PDZD9: variants seen among roughly 807,000 people sequenced by gnomAD.
The protein encoded by PDZD9 is PDZ domain-containing protein 9.
Under a neutral mutation model 16.3 loss-of-function variants are expected in PDZD9, and 13 were observed. The observed-to-expected ratio is 0.80, with a 90% confidence interval of 0.52 to 1.27. PDZD9 has a LOEUF of 1.27. Ranked by LOEUF, PDZD9 falls within the 50% of genes most tolerant of loss-of-function variation. The probability of loss-of-function intolerance (pLI) is 0.00; values close to 1 mark genes in which losing one functional copy is unlikely to be tolerated. For synonymous variants in PDZD9, 120 were observed against 111.0 expected (o/e 1.08, Z -0.51); for missense variants, 288 against 310.9 (o/e 0.93, Z 0.55).
downstream of PDZD9, among the ~76,000 whole-genome samples, chr16:21,982,576 A>C (rs973766326): frequency 3.9e-5 from 6 of 152,194 alleles, no homozygotes; most frequent in African/African-American, 1.4e-4. Flanking sequence ...TCAGAGAAAC[A>C]GCTAAGCTTT....
intron 2 of PDZD9, among the ~76,000 whole-genome samples, chr16:21,995,766 T>G (rs964297027): frequency 6.6e-6 from 1 of 152,050 alleles, no homozygotes; most frequent in African/African-American, 2.4e-5. Flanking sequence ...CCCAGCTAAT[T>G]TTTGTATTTG....
Position 21,984,332 on chromosome 16 carries a change from A to T in PDZD9, c.730T>A (p.Phe244Ile). 6.2e-7 allele frequency: 1 copy of T among 1,614,104 alleles called. No individual in the cohort carries two copies. Among genetic ancestry groups the T allele is most frequent in the African/African-American group, 1.3e-5 (1 of 75,056 alleles). ...ACTTGGGCACAATCTTCCAGCCAAA[A>T]TGCATCTGAGGTAGAGGAGGTAGAG... ...SSSTSSTSDA[F>I]WLEDCAQVEE... The change falls in exon 4 of 4, where the codon TTT becomes ATT. Residue 244 changes from phenylalanine to isoleucine, a missense_variant. Physicochemically the swap from Phe to Ile is conservative, Grantham distance 21 (BLOSUM62 0). Coordinates refer to ENST00000424898, the MANE Select transcript of PDZD9 (RefSeq NM_001363519.1).
chr16:21,971,685 T>G, the PDZD9 span: 1 of 1,520,514 alleles, frequency 6.6e-7, no homozygotes, highest in South Asian at 1.1e-5. Flanking sequence ...AATAGCATAT[T>G]GAGGTGGAAT....
At chr16:21,961,623 A>AATTTATATAT in the PDZD9 span, among the ~76,000 whole-genome samples, 1 of 55,512 alleles carries the variant, frequency 1.8e-5, no homozygotes, top group Non-Finnish European at 5.2e-5. Context: ...TATAACATAA[A>AATTTATATAT]ATTTATATAT....
chr16:21,997,374 C>T (rs1232389698), intron 1 of PDZD9, among the ~76,000 whole-genome samples: 2 of 152,044 alleles, frequency 1.3e-5, no homozygotes. Context: ...AAGGTGGATC[C>T]GGAGCAAATT....
chr16:21,988,536 C>T, intron 3 of PDZD9, 66 bp downstream of exon 3: 2 of 1,286,482 alleles, frequency 1.6e-6, no homozygotes, highest in South Asian at 1.4e-5. Context: ...CACATTAAAC[C>T]ATCTATGCCT....
intron 2 of PDZD9, among the ~76,000 whole-genome samples, chr16:21,995,808 T>C (rs961292249): frequency 3.3e-5 from 5 of 152,128 alleles, no homozygotes; most frequent in Admixed American, 3.3e-4. Flanking sequence ...TATTTAATTA[T>C]TTTTTGAGAC....
chr16:21,961,257 C>A, the PDZD9 span: 1 of 400,722 alleles, frequency 2.5e-6, no homozygotes, highest in South Asian at 1.8e-5. Context: ...TGAAAAACCC[C>A]ACAGTTTTTA....
At chr16:21,982,692 T>G (rs1421749966), downstream of PDZD9, among the ~76,000 whole-genome samples, 2 of 152,194 alleles carry the variant, frequency 1.3e-5, no homozygotes, top group East Asian at 3.9e-4. Flanking sequence ...AAGGCCAGGT[T>G]GGTGGCTCAC....
At chr16:21,983,011 T>A, downstream of PDZD9, 1 of 1,297,994 alleles carries the variant, frequency 7.7e-7, no homozygotes, top group Non-Finnish European at 1.1e-6. Context: ...ATTCTTGAAA[T>A]GACAAAATAA....
At chr16:21,969,868 GT>G in the PDZD9 span, among the ~76,000 whole-genome samples, 1 of 150,368 alleles carries the variant, frequency 6.7e-6, no homozygotes, top group East Asian at 2.0e-4. Context: ...AATCTACTTT[GT>G]TTTTGTTTTT....
downstream of PDZD9, among the ~76,000 whole-genome samples, chr16:21,982,640 C>T (rs1898760313): frequency 6.6e-6 from 1 of 152,192 alleles, no homozygotes; most frequent in Non-Finnish European, 1.5e-5. Flanking sequence ...TTAATTTTCA[C>T]AACAGCTATT....
intron 3 of PDZD9, among the ~76,000 whole-genome samples, chr16:21,987,794 C>G (rs1223379309): frequency 6.6e-6 from 1 of 151,852 alleles, no homozygotes; most frequent in African/African-American, 2.4e-5. Flanking sequence ...TGGCGTCTTT[C>G]GAGGAAACAG....
the PDZD9 span, among the ~76,000 whole-genome samples, chr16:21,960,820 A>G: frequency 0.076 from 11,611 of 151,974 alleles, 637 homozygotes; most frequent in South Asian, 0.25. Context: ...CAGAAACAGC[A>G]TTTCTTTTTT....
At chr16:21,971,914 T>G in the PDZD9 span, 1 of 1,613,594 alleles carries the variant, frequency 6.2e-7, no homozygotes, top group Non-Finnish European at 8.5e-7. Context: ...ATCCTTAATC[T>G]GGCCCCAGGT....
chr16:21,980,812 C>T (rs1898706487), downstream of PDZD9: 6 of 1,265,188 alleles, frequency 4.7e-6, no homozygotes, highest in Non-Finnish European at 6.4e-6. Context: ...ATGTTTGGTG[C>T]TCATCTACTT....
chr16:21,988,507 C>G (rs1898937669), intron 3 of PDZD9, 95 bp downstream of exon 3: 2 of 1,053,586 alleles, frequency 1.9e-6, no homozygotes, highest in Non-Finnish European at 2.8e-6. Flanking sequence ...TGTCATGATC[C>G]TTATCATTTG....
chr16:21,962,954 A>G, the PDZD9 span: 13 of 1,506,022 alleles, frequency 8.6e-6, no homozygotes, highest in African/African-American at 1.8e-4. Flanking sequence ...TTTATAGAAG[A>G]AAAAAAATTG....
the PDZD9 span, chr16:21,971,839 A>G: frequency 6.3e-7 from 1 of 1,579,464 alleles, no homozygotes; most frequent in East Asian, 2.2e-5. Context: ...GTGGGTTAAT[A>G]CTGTGTTGTA....
Sources: allele counts gnomAD v4.1 joint callset (sites outside exome capture counted in the v4.1 genomes callset), GRCh38; gene constraint gnomAD v4.1.1; transcripts MANE v1.5; gene names NCBI Gene and HGNC (gene_info 2026-07-23, HGNC 2026-07-21).